Variants in EHMT1 observed in about 807,000 individuals in gnomAD.
EHMT1 encodes histone-lysine N-methyltransferase EHMT1.
A neutral mutation model predicts 147.2 loss-of-function variants in EHMT1; 15 were observed. The ratio of observed to expected loss-of-function variants is 0.10; its 90% CI spans 0.07 to 0.16. The LOEUF is 0.16. Among genes scored for constraint, EHMT1 ranks in the 10% least tolerant of loss-of-function variants. The pLI is 1.00. For synonymous variants in EHMT1, 795 were observed against 709.6 expected (o/e 1.12, Z -1.91); for missense variants, 1,587 against 1,772.4 (o/e 0.90, Z 1.88).
At chr9:137,713,799 A>T (rs892450314) in intron 2 of EHMT1, among the ~76,000 whole-genome samples, 24 of 151,802 alleles carry the variant, frequency 1.6e-4, no homozygotes, top group Admixed American at 1.6e-3. Flanking sequence ...AAAATACAAA[A>T]ATTAGCGGGA....
intron 1 of EHMT1, among the ~76,000 whole-genome samples, chr9:137,682,919 G>A (rs950545250): frequency 2.0e-5 from 3 of 152,216 alleles, no homozygotes; most frequent in East Asian, 1.9e-4. Context: ...TGCCCTGCAC[G>A]TGCGAGTGAG....
chr9:137,659,802 C>T (rs1408786633), intron 1 of EHMT1, among the ~76,000 whole-genome samples: 3 of 152,112 alleles, frequency 2.0e-5, no homozygotes, highest in South Asian at 2.1e-4. Context: ...GTCTCAAACT[C>T]GTGGGCTCAA....
chr9:137,759,158 C>G (rs969287505), intron 9 of EHMT1, among the ~76,000 whole-genome samples: 1 of 151,936 alleles, frequency 6.6e-6, no homozygotes, highest in Non-Finnish European at 1.5e-5. Context: ...ACAACAGCAG[C>G]AACAACAACA....
At chr9:137,791,154 G>A (rs1373973088) in intron 16 of EHMT1, among the ~76,000 whole-genome samples, 184 bp downstream of exon 16, 1 of 152,178 alleles carries the variant, frequency 6.6e-6, no homozygotes, top group African/African-American at 2.4e-5. Flanking sequence ...CTACTAGTGA[G>A]TGCTCACTCT....
Position 137,787,824 on chromosome 9 carries a change from C to T in EHMT1, c.2383-3024C>T. On this transcript the variant is annotated intron_variant, in intron 15 of 26. Transcript: ENST00000460843. The surrounding 1 kb of genome is among the most constrained non-coding windows in gnomAD (Gnocchi z 4.2). ...CCCTCAGGTTTCAGGGGCCACCCCC[C>T]AGTAGGCAGAGCTGGTTGACGGTGG... 1 of 950,906 alleles carries T rather than the reference C, an allele frequency of 1.1e-6. No homozygotes were observed. Among genetic ancestry groups the T allele is most frequent in the Non-Finnish European group, 1.7e-6 (1 of 578,506 alleles). 58.9% of individuals were successfully genotyped at this position (950,906 alleles called of 1,614,324 possible). A position where few individuals can be genotyped will look rare whatever the true frequency, so the allele number is the denominator to read the frequency against.
In EHMT1 at chr9:137,731,503, G is replaced by A. The variant is rs1947108189; in HGVS notation, c.823+2974G>A. ...AGGAGTCCCCTGTTAACTGTCCCCGGGGGTGCAGAGTCCACTTATCGGGAT... is the reference window on the plus strand; with the variant it reads ...AGGAGTCCCCTGTTAACTGTCCCCGAGGGTGCAGAGTCCACTTATCGGGAT... On this transcript the variant is annotated intron_variant, in intron 4 of 26. Transcript: ENST00000460843. The surrounding 1 kb of genome is among the most constrained non-coding windows in gnomAD (Gnocchi z 4.3). Among the ~76,000 whole-genome samples the A allele has an allele frequency of 6.6e-6, 1 of 152,200 alleles. No homozygotes were observed. The highest frequency in any genetic ancestry group is 1.5e-5 in the Non-Finnish European group (1 of 68,030).
chr9:137,754,679 A>AT (rs890744125), intron 8 of EHMT1, among the ~76,000 whole-genome samples: 15 of 151,776 alleles, frequency 9.9e-5, no homozygotes, highest in African/African-American at 2.9e-4. Context: ...TGCCCAGCTT[A>AT]TTTTTTTGTG....
intron 2 of EHMT1, 92 bp downstream of exon 2, chr9:137,711,122 T>C: frequency 1.5e-6 from 2 of 1,353,650 alleles, no homozygotes; most frequent in Non-Finnish European, 2.0e-6. Flanking sequence ...CCCCGTCTTC[T>C]GACTTTCTTT....
rs115534154 is a variant in EHMT1, at chr9:137,710,757, A to G, written c.22-210A>G. 2.5e-3 allele frequency among the ~76,000 whole-genome samples: 385 copies of G among 152,286 alleles called. 2 individuals carry two copies. Among genetic ancestry groups the G allele is most frequent in the African/African-American group, 9.0e-3 (373 of 41,568 alleles). On this transcript the variant is annotated intron_variant, in intron 1 of 26. Transcript: ENST00000460843. ...GTTAAGAAACTGTCTTCAAAAATAG[A>G]AATACAGGAGAAGTTTCCTTGGACT...
At chr9:137,802,449 A>G (rs545637354) in intron 18 of EHMT1, 1 of 398,722 alleles carries the variant, frequency 2.5e-6, no homozygotes, top group African/African-American at 2.1e-5. Context: ...AGCCACAAAT[A>G]AACCCACTAA....
intron 10 of EHMT1, among the ~76,000 whole-genome samples, chr9:137,767,391 TG>T (rs1293773744): frequency 2.6e-5 from 4 of 152,234 alleles, no homozygotes; most frequent in African/African-American, 9.6e-5. Flanking sequence ...TCTATGAAGG[TG>T]GTCTGATAAG....
chr9:137,825,370 A>G (rs1411018124), intron 25 of EHMT1, among the ~76,000 whole-genome samples: 1 of 152,158 alleles, frequency 6.6e-6, no homozygotes, highest in African/African-American at 2.4e-5. Flanking sequence ...GCTTCCTGCA[A>G]TCCTGCCTTT....
At chr9:137,641,744 G>C (rs1454961916) in intron 1 of EHMT1, among the ~76,000 whole-genome samples, 1 of 152,204 alleles carries the variant, frequency 6.6e-6, no homozygotes, top group Non-Finnish European at 1.5e-5. Context: ...GCAGAGACGG[G>C]TGTTTGGGGG....
chr9:137,759,689 C>T (rs1482848681), intron 9 of EHMT1, among the ~76,000 whole-genome samples: 1 of 152,248 alleles, frequency 6.6e-6, no homozygotes, highest in Non-Finnish European at 1.5e-5. Context: ...AGCGATTGGC[C>T]TGTTCAGTCA....
intron 19 of EHMT1, among the ~76,000 whole-genome samples, chr9:137,812,356 CA>C (rs144692563): frequency 0.042 from 6,437 of 152,188 alleles, 443 homozygotes; most frequent in African/African-American, 0.15. Flanking sequence ...ACCCAAAAAA[CA>C]AAAAAAGCTT....
intron 1 of EHMT1, among the ~76,000 whole-genome samples, chr9:137,688,417 G>C (rs577919446): frequency 2.6e-5 from 4 of 152,034 alleles, no homozygotes; most frequent in Admixed American, 6.6e-5. Context: ...ACCTTGCCAC[G>C]CTGCTGGACT....
chr9:137,642,227 G>T (rs1844544905), intron 1 of EHMT1, among the ~76,000 whole-genome samples: 1 of 152,150 alleles, frequency 6.6e-6, no homozygotes, highest in Non-Finnish European at 1.5e-5. Context: ...GAAAGGTAGG[G>T]TTTATACTTG....
intron 25 of EHMT1, among the ~76,000 whole-genome samples, chr9:137,833,647 A>G (rs962665072): frequency 1.3e-5 from 2 of 152,228 alleles, no homozygotes; most frequent in African/African-American, 2.4e-5. Context: ...AGAATCCATC[A>G]TCACAGGCCA....
rs764006601 is a variant in EHMT1, at chr9:137,817,439, G to C, written c.3375G>C (p.Arg1125Ser). Residue 1125 changes from arginine to serine, a missense_variant and splice_region_variant, in exon 24 of 27, where the codon AGG (arginine) becomes AGC (serine). This residue lies in a region of EHMT1 where 156 missense variants were observed against 252.5 expected (regional missense o/e 0.62). Coordinates refer to ENST00000460843, the MANE Select transcript of EHMT1 (RefSeq NM_024757.5). ...CRNRVVQNGL[R>S]ARLQLYRTRD... is the part of the protein sequence containing the mutation. ...TTCACCACTACTCTCTATTTTTCAG[G>C]GCAAGGCTGCAGCTCTACCGGACGC... The C allele has an allele frequency of 4.3e-5, 69 of 1,614,022 alleles. No individual in the cohort carries two copies. Among genetic ancestry groups the C allele is most frequent in the Non-Finnish European group, 5.2e-5 (61 of 1,180,042 alleles).
Sources: gnomAD v4.1 joint callset for allele counts (sites outside exome capture counted in the v4.1 genomes callset) on GRCh38, gnomAD v4.1.1 for gene constraint, gnomAD v4.1.1 regional missense constraint, Gnocchi (gnomAD v3.1) non-coding constraint, MANE v1.5 for transcripts, NCBI Gene and HGNC (gene_info 2026-07-23, HGNC 2026-07-21) for gene names.